The following STARD9 variants were observed in gnomAD, a reference collection of about 807,000 sequenced individuals.
STARD9 encodes the protein stAR-related lipid transfer protein 9.
STARD9 carries 346 observed loss-of-function variants against 399.8 expected under a neutral mutation model. That is an observed-to-expected ratio of 0.87 (90% confidence interval 0.79 to 0.95). The LOEUF (loss-of-function observed/expected upper bound fraction) is 0.95. STARD9 is among the 40% of genes least tolerant of loss of function. The probability of loss-of-function intolerance (pLI) is 0.00; values close to 1 mark genes in which losing one functional copy is unlikely to be tolerated. For missense variants in STARD9, 5,832 were observed against 5,667.5 expected (o/e 1.03, Z -0.93); for synonymous variants, 2,203 against 2,143.5 (o/e 1.03, Z -0.77).
intron 7 of STARD9, among the ~76,000 whole-genome samples, chr15:42,639,927 T>G (rs978481775): frequency 1.3e-5 from 2 of 152,170 alleles, no homozygotes; most frequent in Non-Finnish European, 2.9e-5. Flanking sequence ...TTATTTTTTA[T>G]TTTTATTTTT....
rs562511194 is a variant in STARD9 at position 42,688,294 on chromosome 15, G to A, written c.6716G>A (p.Gly2239Asp). 5 of 1,537,580 alleles carry A rather than the reference G, an allele frequency of 3.3e-6. No homozygotes were observed. In the Admixed American group the frequency reaches 7.8e-5, roughly 24 times the overall value. Residue 2239 changes from glycine (G) to aspartate (D), a missense_variant, in exon 23 of 33, where the codon GGC becomes GAC. Gly to Asp is a moderately conservative substitution (Grantham distance 94). Coordinates refer to ENST00000290607, the MANE Select transcript of STARD9 (RefSeq NM_020759.3). ...ASASLKGQPW[G>D]LGSLEELETV... Reference sequence around the variant, plus strand: ...GCAAGTCTCAAAGGGCAGCCTTGGGGCTTAGGAAGTCTTGAGGAATTGGAG... The same window carrying A: ...GCAAGTCTCAAAGGGCAGCCTTGGGACTTAGGAAGTCTTGAGGAATTGGAG...
rs1180409814 is a variant in STARD9, at chr15:42,712,088, T to TAAAATATAAAATATATAATATATA, written c.13285-4588_13285-4587insAAATATAAAATATATAATATATAA. 0.017 allele frequency among the ~76,000 whole-genome samples: 19 copies of TAAAATATAAAATATATAATATATA among 1,100 alleles called. 3 individuals carry two copies. The South Asian group carries it at 0.19, about 11-fold the overall frequency. The allele number at this position is 1,100 out of a possible 152,430, so 0.7% of individuals were successfully genotyped here. The stretch of plus-strand genomic sequence containing the variant: ...TTTATATATATATATATATTATATA[T>TAAAATATAAAATATATAATATATA]ATATATATAATATATAATATATAAT... On this transcript the variant is annotated intron_variant, in intron 26 of 32. Transcript: ENST00000290607.
intron 9 of STARD9, among the ~76,000 whole-genome samples, chr15:42,656,094 G>A (rs1377499494): frequency 2.0e-5 from 3 of 151,952 alleles, no homozygotes; most frequent in Non-Finnish European, 4.4e-5. Flanking sequence ...AGTGGCTCAC[G>A]CCTGTAATCC....
intron 26 of STARD9, among the ~76,000 whole-genome samples, chr15:42,697,068 A>G (rs2060861830): frequency 6.6e-6 from 1 of 152,202 alleles, no homozygotes; most frequent in African/African-American, 2.4e-5. Flanking sequence ...TGTCAGGCAC[A>G]TGTTTGAGTC....
In STARD9 at chr15:42,692,415, G is replaced by A; in HGVS notation, c.10837G>A (p.Gly3613Ser). ...KPPLAKGSAA[G>S]PVDEIMLLYP... ...CCCCTTGGCCAAAGGAAGTGCTGCA[G>A]GTCCAGTGGATGAGATTATGCTGCT... The change falls in exon 23 of 33, where the codon GGT (glycine) becomes AGT (serine). Residue 3613 changes from glycine (G) to serine (S), a missense_variant. Gly to Ser is a moderately conservative substitution (Grantham distance 56). Coordinates refer to ENST00000290607, the MANE Select transcript of STARD9 (RefSeq NM_020759.3). 6.5e-7 allele frequency: 1 copy of A among 1,537,092 alleles called. No homozygotes were observed. Among genetic ancestry groups the A allele is most frequent in the Non-Finnish European group, 8.7e-7 (1 of 1,146,916 alleles).
At chr15:42,666,055 C>T (rs2060095851) in intron 15 of STARD9, among the ~76,000 whole-genome samples, 1 of 152,198 alleles carries the variant, frequency 6.6e-6, no homozygotes, top group South Asian at 2.1e-4. Context: ...ATTGTTCTCT[C>T]AGGGATTCGT....
Position 42,649,328 on chromosome 15 carries a change from C to G in STARD9, c.560-1688C>G, listed in dbSNP as rs781751872. On this transcript the variant is annotated intron_variant, in intron 7 of 32. Coordinates refer to ENST00000290607, the MANE Select transcript of STARD9 (RefSeq NM_020759.3). ...CAGGCGTGAGCCACTGCACCCGGCT[C>G]CCTCCATATTTTTAATCTTTTGTCT... Among the ~76,000 whole-genome samples, 16 of 152,018 alleles carry G rather than the reference C, an allele frequency of 1.1e-4. 1 individual carries two copies. Among genetic ancestry groups the G allele is most frequent in the Admixed American group, 8.5e-4 (13 of 15,248 alleles).
At position 42,669,269 on chromosome 15, in the gene STARD9, A is replaced by G. The variant is rs1002326140; in HGVS notation, c.1429A>G (p.Ser477Gly). ...RRRAGVVIDS[S>G]LPHLMALEDD... The stretch of plus-strand genomic sequence containing the variant: ...GAGGGCTGGGGTGGTCATCGACTCC[A>G]GCCTGCCACACTTGATGGCCTTGGA... The change falls in exon 16 of 33, where the codon AGC (serine) becomes GGC (glycine). Residue 477 changes from serine to glycine, a missense_variant. This residue lies in a region of STARD9 where 5,828 missense variants were observed against 5,651.1 expected (regional missense o/e 1.03). Coordinates refer to ENST00000290607, the MANE Select transcript of STARD9 (RefSeq NM_020759.3). The G allele has an allele frequency of 2.6e-6, 4 of 1,536,946 alleles. No homozygotes were observed. In the African/African-American group the frequency reaches 5.5e-5, roughly 21 times the overall value.
Position 42,674,433 on chromosome 15 carries a change from C to T in STARD9, c.1498-7C>T. 6.5e-7 allele frequency: 1 copy of T among 1,536,826 alleles called. No individual in the cohort carries two copies. Among genetic ancestry groups the T allele is most frequent in the Non-Finnish European group, 8.7e-7 (1 of 1,146,580 alleles). On this transcript the variant is annotated splice_region_variant and splice_polypyrimidine_tract_variant and intron_variant, in intron 16 of 32. Coordinates refer to ENST00000290607, the MANE Select transcript of STARD9 (RefSeq NM_020759.3). ...TTCTCATTAAAATGGCTTTTTTCCCCCTTTAGGAAGGGACAACAAAAATAG... is the reference window on the plus strand; with the variant it reads ...TTCTCATTAAAATGGCTTTTTTCCCTCTTTAGGAAGGGACAACAAAAATAG...
At chr15:42,614,806 A>G (rs1423714552) in intron 3 of STARD9, among the ~76,000 whole-genome samples, 1 of 151,906 alleles carries the variant, frequency 6.6e-6, no homozygotes, top group East Asian at 2.0e-4. Flanking sequence ...CTCTACTAAA[A>G]ATACAAAAAT....
At chr15:42,683,594 T>C (rs1001184458) in intron 22 of STARD9, among the ~76,000 whole-genome samples, 18 of 152,190 alleles carry the variant, frequency 1.2e-4, no homozygotes, top group Admixed American at 4.6e-4. Flanking sequence ...TTTTCTTTTT[T>C]CTCTCTCTTT....
At chr15:42,606,851 C>T (rs987974422) in intron 3 of STARD9, among the ~76,000 whole-genome samples, 4 of 151,970 alleles carry the variant, frequency 2.6e-5, no homozygotes, top group Middle Eastern at 3.2e-3. Flanking sequence ...CCTAACTGAC[C>T]CAGCTACTCT....
At chr15:42,633,040 G>A (rs917369108) in intron 3 of STARD9, among the ~76,000 whole-genome samples, 1 of 151,942 alleles carries the variant, frequency 6.6e-6, no homozygotes, top group African/African-American at 2.4e-5. Flanking sequence ...CTGCTGGGGG[G>A]CCAAGGTAGG....
chr15:42,719,000 TCCAGTGCCCAGGCC>T, intron 32 of STARD9, 90 bp downstream of exon 32: 1 of 1,243,738 alleles, frequency 8.0e-7, no homozygotes, highest in Non-Finnish European at 1.1e-6. Flanking sequence ...TTGAACACCC[TCCAGTGCCCAGGCC>T]CTTTGGCCTG....
Position 42,638,098 on chromosome 15 carries a change from C to A in STARD9, c.446+11C>A, listed in dbSNP as rs1286624570. 9.8e-6 allele frequency: 15 copies of A among 1,535,832 alleles called. No homozygotes were observed. Among genetic ancestry groups the A allele is most frequent in the Non-Finnish European group, 1.2e-5 (14 of 1,146,456 alleles). ...TAGGATAAAAGTAAGGTAAGAACCT[C>A]CCAAGCTCTGGGACCTACAGTAGTT... is the stretch of plus-strand genomic sequence containing the variant. On this transcript the variant is annotated intron_variant, in intron 6 of 32. Transcript: ENST00000290607.
At chr15:42,643,756 C>T (rs922738764) in intron 7 of STARD9, among the ~76,000 whole-genome samples, 1 of 152,098 alleles carries the variant, frequency 6.6e-6, no homozygotes, top group Non-Finnish European at 1.5e-5. Flanking sequence ...TTGGCCACCT[C>T]TTTTGTAGTA....
At chr15:42,598,082 A>G (rs1168374490) in intron 3 of STARD9, among the ~76,000 whole-genome samples, 1 of 148,684 alleles carries the variant, frequency 6.7e-6, no homozygotes, top group African/African-American at 2.5e-5. Flanking sequence ...CTGAGGCTGG[A>G]GTGCAGTGGT....
At chr15:42,631,548 C>G (rs1028330587) in intron 3 of STARD9, among the ~76,000 whole-genome samples, 4 of 151,374 alleles carry the variant, frequency 2.6e-5, no homozygotes, top group African/African-American at 7.3e-5. Context: ...CCATTGTACT[C>G]TAGTCTGGGT....
At chr15:42,576,380 C>T (rs2058056175) in intron 1 of STARD9, among the ~76,000 whole-genome samples, 1 of 152,202 alleles carries the variant, frequency 6.6e-6, no homozygotes, top group African/African-American at 2.4e-5. Flanking sequence ...CCGCACCTCT[C>T]ATCTCAGCCC....
Sources: gnomAD v4.1 joint callset for allele counts (sites outside exome capture counted in the v4.1 genomes callset) on GRCh38, gnomAD v4.1.1 for gene constraint, gnomAD v4.1.1 regional missense constraint, MANE v1.5 for transcripts, NCBI Gene and HGNC (gene_info 2026-07-23, HGNC 2026-07-21) for gene names.